ATP6V1C1: variants seen among roughly 807,000 people sequenced by gnomAD.
ATP6V1C1 encodes the protein V-type proton ATPase subunit C 1.
ATP6V1C1 carries 45 observed loss-of-function variants against 53.9 expected under a neutral mutation model. That is an observed-to-expected ratio of 0.83 (90% CI 0.66 to 1.07). The LOEUF (loss-of-function observed/expected upper bound fraction) is 1.07. Among genes scored for constraint, ATP6V1C1 ranks in the 50% least tolerant of loss-of-function variants. ATP6V1C1 has a pLI of 0.00. For missense variants in ATP6V1C1, 315 were observed against 440.3 expected (o/e 0.72, Z 2.55); for synonymous variants, 153 against 155.2 (o/e 0.99, Z 0.11).
intron 12 of ATP6V1C1, among the ~76,000 whole-genome samples, chr8:103,067,331 T>A (rs1404270663): frequency 7.0e-6 from 1 of 142,338 alleles, no homozygotes; most frequent in East Asian, 2.1e-4. Context: ...CCTCGGGGGG[T>A]GGTTGCAGTG....
At chr8:103,065,189 A>C (rs1473861069) in intron 11 of ATP6V1C1, among the ~76,000 whole-genome samples, 1 of 152,238 alleles carries the variant, frequency 6.6e-6, no homozygotes, top group Admixed American at 6.5e-5. Context: ...AAAGTATTTT[A>C]ATATTTTGAG....
chr8:103,046,686 G>C (rs1420211381), intron 3 of ATP6V1C1, among the ~76,000 whole-genome samples: 2 of 152,124 alleles, frequency 1.3e-5, no homozygotes, highest in Non-Finnish European at 2.9e-5. Context: ...AAATCATGTC[G>C]TTGTTAGACT....
chr8:103,040,250 C>T (rs1009274863), intron 1 of ATP6V1C1, among the ~76,000 whole-genome samples: 1 of 151,634 alleles, frequency 6.6e-6, no homozygotes, highest in African/African-American at 2.4e-5. Flanking sequence ...CCTGTCTCTA[C>T]TAAAAATACA....
At position 103,063,122 on chromosome 8, in the gene ATP6V1C1, C is replaced by T. The variant is rs774947866; in HGVS notation, c.735-13C>T. The T allele has an allele frequency of 4.2e-5, 67 of 1,605,624 alleles. 2 individuals carry two copies. The East Asian group carries it at 1.4e-3, about 34-fold the overall frequency. On this transcript the variant is annotated splice_polypyrimidine_tract_variant and intron_variant, in intron 9 of 12. Coordinates refer to ENST00000518738, the MANE Select transcript of ATP6V1C1 (RefSeq NM_001695.5). ...CAATGTGAACAATTTTGTTTTTTTT[C>T]CCCCAAATTTAGATTCATTGTTCGT...
chr8:103,046,994 G>A lies in ATP6V1C1; in HGVS notation c.201-1876G>A, dbSNP rs11994049. ...AAACATGCAACATTTTAGAATGTTCGTAGCAAATGGTTCTGTTTACAAGAT... is the reference window on the plus strand; with the variant it reads ...AAACATGCAACATTTTAGAATGTTCATAGCAAATGGTTCTGTTTACAAGAT... On this transcript the variant is annotated intron_variant, in intron 3 of 12. Coordinates refer to ENST00000518738, the MANE Select transcript of ATP6V1C1 (RefSeq NM_001695.5). 3.8e-3 allele frequency among the ~76,000 whole-genome samples: 585 copies of A among 152,228 alleles called. 5 individuals carry two copies. Among genetic ancestry groups the A allele is most frequent in the African/African-American group, 0.013 (553 of 41,544 alleles).
intron 3 of ATP6V1C1, 129 bp from the exon 4 acceptor site, chr8:103,048,741 G>A (rs1302663253): frequency 1.5e-6 from 1 of 661,726 alleles, no homozygotes; most frequent in Non-Finnish European, 2.5e-6. Flanking sequence ...TCCATTTATT[G>A]TGTATTATAT....
At chr8:103,038,904 TC>T (rs1816944890) in intron 1 of ATP6V1C1, among the ~76,000 whole-genome samples, 2 of 152,232 alleles carry the variant, frequency 1.3e-5, no homozygotes, top group African/African-American at 4.8e-5. Context: ...GCTGTGCTGT[TC>T]TCTGACCAGA....
intron 1 of ATP6V1C1, among the ~76,000 whole-genome samples, chr8:103,030,583 TTCC>T (rs1194418526): frequency 6.6e-6 from 1 of 152,330 alleles, no homozygotes; most frequent in Admixed American, 6.5e-5. Context: ...AGCTGTGTAA[TTCC>T]TCCTGCTTTT....
At chr8:103,031,623 A>G (rs1816797412) in intron 1 of ATP6V1C1, among the ~76,000 whole-genome samples, 1 of 152,138 alleles carries the variant, frequency 6.6e-6, no homozygotes, top group African/African-American at 2.4e-5. Flanking sequence ...TTTATGAGGG[A>G]TCTGCCCCAT....
intron 6 of ATP6V1C1, 96 bp downstream of exon 6, chr8:103,052,918 A>C: frequency 1.4e-6 from 1 of 712,408 alleles, no homozygotes; most frequent in Non-Finnish European, 2.2e-6. Context: ...GTTTCAGTTT[A>C]TGTTGTTCTG....
At chr8:103,043,532 C>A (rs1435617440) in intron 3 of ATP6V1C1, among the ~76,000 whole-genome samples, 2 of 151,624 alleles carry the variant, frequency 1.3e-5, no homozygotes, top group African/African-American at 4.8e-5. Context: ...GGGGTTTCAC[C>A]ATGTTGGTCA....
At chr8:103,029,598 T>C (rs963974261) in intron 1 of ATP6V1C1, among the ~76,000 whole-genome samples, 13 of 152,330 alleles carry the variant, frequency 8.5e-5, no homozygotes, top group African/African-American at 2.6e-4. Flanking sequence ...CAGAATTTTC[T>C]TGGGCTCCCA....
At chr8:103,038,087 T>A (rs183922439) in intron 1 of ATP6V1C1, among the ~76,000 whole-genome samples, 229 of 152,182 alleles carry the variant, frequency 1.5e-3, no homozygotes, top group African/African-American at 4.9e-3. Context: ...AACAGTGATT[T>A]CTTATTTCTC....
chr8:103,050,989 T>C, intron 4 of ATP6V1C1, 61 bp from the exon 5 acceptor site: 3 of 1,134,368 alleles, frequency 2.6e-6, no homozygotes, highest in Non-Finnish European at 3.9e-6. Context: ...TATATCGCTG[T>C]GTAAAAAACT....
At chr8:103,061,379 C>T (rs1279946194) in intron 8 of ATP6V1C1, among the ~76,000 whole-genome samples, 2 of 152,188 alleles carry the variant, frequency 1.3e-5, no homozygotes, top group East Asian at 3.8e-4. Context: ...ACTGTAATTG[C>T]CTCCTGAATT....
At chr8:103,038,483 T>C (rs1027580061) in intron 1 of ATP6V1C1, among the ~76,000 whole-genome samples, 4 of 152,330 alleles carry the variant, frequency 2.6e-5, no homozygotes, top group Non-Finnish European at 4.4e-5. Context: ...AGACATATCC[T>C]GTAATTCAGC....
intron 12 of ATP6V1C1, among the ~76,000 whole-genome samples, chr8:103,066,965 C>T (rs74908606): frequency 4.4e-3 from 667 of 150,606 alleles, no homozygotes; most frequent in Non-Finnish European, 7.3e-3. Flanking sequence ...ATAGTAAGAT[C>T]CCATCTGAAA....
intron 8 of ATP6V1C1, among the ~76,000 whole-genome samples, chr8:103,056,980 G>T (rs1052207062): frequency 2.0e-5 from 3 of 152,154 alleles, no homozygotes; most frequent in Non-Finnish European, 4.4e-5. Flanking sequence ...CACTGGTAGG[G>T]TCCGTCACTG....
chr8:103,044,472 T>C (rs1457843290), intron 3 of ATP6V1C1, among the ~76,000 whole-genome samples: 2 of 152,208 alleles, frequency 1.3e-5, no homozygotes, highest in African/African-American at 4.8e-5. Flanking sequence ...CCCAGCACCA[T>C]TTGTTGAAAA....
Sources: allele counts gnomAD v4.1 joint callset (sites outside exome capture counted in the v4.1 genomes callset), GRCh38; gene constraint gnomAD v4.1.1; transcripts MANE v1.5; gene names NCBI Gene and HGNC (gene_info 2026-07-23, HGNC 2026-07-21).